SLC16A10: variants seen among roughly 807,000 people sequenced by gnomAD.
The protein encoded by SLC16A10 is solute carrier family 16 member 10, also known as monocarboxylate transporter 10.
Under a neutral mutation model 40.0 loss-of-function variants are expected in SLC16A10, and 27 were observed. That is an observed-to-expected ratio of 0.67 (90% confidence interval 0.50 to 0.93). The LOEUF is 0.93. Ranked by LOEUF, SLC16A10 falls within the 40% of genes least tolerant of loss-of-function variation. The pLI, the probability that SLC16A10 is intolerant of heterozygous loss-of-function variation, is 0.00. For synonymous variants in SLC16A10, 213 were observed against 249.8 expected, an observed-to-expected ratio of 0.85 and a Z score of 1.39; for missense variants, 529 against 658.2, an observed-to-expected ratio of 0.80 and a Z score of 2.15.
intron 1 of SLC16A10, among the ~76,000 whole-genome samples, chr6:111,153,904 C>A (rs892264393): frequency 5.9e-5 from 9 of 152,154 alleles, no homozygotes; most frequent in Non-Finnish European, 1.2e-4. Flanking sequence ...GTCCAGCCAC[C>A]ACCCATATGG....
chr6:111,089,798 T>A (rs1770939764), intron 1 of SLC16A10, among the ~76,000 whole-genome samples: 1 of 152,066 alleles, frequency 6.6e-6, no homozygotes, highest in Admixed American at 6.6e-5. Flanking sequence ...ATTTACCATA[T>A]TCCTGCCTGG....
At chr6:111,158,655 G>A (rs982351962) in intron 1 of SLC16A10, among the ~76,000 whole-genome samples, 5 of 152,048 alleles carry the variant, frequency 3.3e-5, no homozygotes, top group African/African-American at 1.2e-4. Flanking sequence ...ATAACCTTTC[G>A]AAGATCTGAA....
At chr6:111,133,835 C>G (rs1771829045) in intron 1 of SLC16A10, among the ~76,000 whole-genome samples, 1 of 152,150 alleles carries the variant, frequency 6.6e-6, no homozygotes, top group South Asian at 2.1e-4. Flanking sequence ...ATGCACCCTC[C>G]AAGCGGTGGG....
intron 1 of SLC16A10, among the ~76,000 whole-genome samples, chr6:111,151,040 A>G (rs1361425): frequency 6.6e-6 from 1 of 151,920 alleles, no homozygotes; most frequent in Non-Finnish European, 1.5e-5. Flanking sequence ...TCCATCCATC[A>G]GGTGACCTCT....
chr6:111,148,924 A>G (rs541117553), intron 1 of SLC16A10, among the ~76,000 whole-genome samples: 69 of 152,326 alleles, frequency 4.5e-4, no homozygotes, highest in Admixed American at 7.8e-4. Flanking sequence ...CCTGGCCAAC[A>G]TGGTGAAACC....
chr6:111,207,479 A>C (rs1466276662), intron 4 of SLC16A10, among the ~76,000 whole-genome samples: 1 of 152,120 alleles, frequency 6.6e-6, no homozygotes, highest in African/African-American at 2.4e-5. Flanking sequence ...TATTGAAGTG[A>C]CTCCTTCATG....
intron 1 of SLC16A10, among the ~76,000 whole-genome samples, chr6:111,169,794 C>G (rs1356046475): frequency 3.3e-5 from 5 of 152,110 alleles, no homozygotes; most frequent in Admixed American, 2.6e-4. Context: ...TTGATTATAT[C>G]CTGTTAGTGC....
At chr6:111,190,542 GC>G in intron 3 of SLC16A10, among the ~76,000 whole-genome samples, 1 of 152,232 alleles carries the variant, frequency 6.6e-6, no homozygotes, top group East Asian at 1.9e-4. Context: ...TGAGGTTCCT[GC>G]CCCTGCAGCA....
At chr6:111,181,258 A>G (rs1352254108) in intron 3 of SLC16A10, among the ~76,000 whole-genome samples, 1 of 151,218 alleles carries the variant, frequency 6.6e-6, no homozygotes, top group African/African-American at 2.4e-5. Flanking sequence ...ACAGATCTGG[A>G]TTTAAATTCA....
chr6:111,100,895 G>A (rs1771163555), intron 1 of SLC16A10, among the ~76,000 whole-genome samples: 1 of 148,668 alleles, frequency 6.7e-6, no homozygotes, highest in Non-Finnish European at 1.5e-5. Context: ...GGTATCATCA[G>A]TATAGTCTAT....
chr6:111,222,896 T>A lies in SLC16A10; in HGVS notation c.*661T>A, dbSNP rs994679401. ...AGGATCCTGAGCTGTTCAGAAATCA[T>A]TTAAGTTTACAGCGTTGTTCCCTTT... is the stretch of plus-strand genomic sequence containing the variant. On this transcript the variant is annotated 3_prime_UTR_variant, in exon 6 of 6. Coordinates refer to ENST00000368851, the MANE Select transcript of SLC16A10 (RefSeq NM_018593.5). 3 of 152,256 alleles carry A rather than the reference T, an allele frequency of 2.0e-5. No individual in the cohort carries two copies. The highest frequency in any genetic ancestry group is 2.0e-4 in the Admixed American group (3 of 15,276). The allele number at this position is 152,256 out of a possible 1,614,324, so 9.4% of individuals were successfully genotyped here.
chr6:111,127,401 G>C (rs141987501), intron 1 of SLC16A10, among the ~76,000 whole-genome samples: 10 of 152,226 alleles, frequency 6.6e-5, no homozygotes, highest in Non-Finnish European at 1.5e-4. Context: ...GATCACAGGC[G>C]GCACATTTTA....
chr6:111,147,787 T>G (rs902711764), intron 1 of SLC16A10, among the ~76,000 whole-genome samples: 1 of 152,188 alleles, frequency 6.6e-6, no homozygotes, highest in Admixed American at 6.5e-5. Context: ...TTTGTGGACA[T>G]AGAACAACAG....
At chr6:111,131,681 C>T (rs1216158475) in intron 1 of SLC16A10, among the ~76,000 whole-genome samples, 1 of 152,206 alleles carries the variant, frequency 6.6e-6, no homozygotes. Context: ...CCCAACCCTT[C>T]TGGGTTGGGA....
chr6:111,099,265 C>A (rs1771129912), intron 1 of SLC16A10, among the ~76,000 whole-genome samples: 1 of 152,042 alleles, frequency 6.6e-6, no homozygotes, highest in Non-Finnish European at 1.5e-5. Flanking sequence ...TATTTTTATG[C>A]ATAATTATAT....
intron 1 of SLC16A10, among the ~76,000 whole-genome samples, chr6:111,140,898 G>A (rs931234326): frequency 2.6e-5 from 4 of 152,016 alleles, no homozygotes; most frequent in Admixed American, 1.3e-4. Context: ...TGATCCTCCC[G>A]CCTCAGCCTC....
chr6:111,106,673 G>T (rs1771289633), intron 1 of SLC16A10, among the ~76,000 whole-genome samples: 1 of 152,196 alleles, frequency 6.6e-6, no homozygotes, highest in African/African-American at 2.4e-5. Flanking sequence ...AAGCAAGTCA[G>T]TGAGTTAGAA....
intron 1 of SLC16A10, among the ~76,000 whole-genome samples, chr6:111,153,208 G>A (rs910234508): frequency 1.3e-5 from 2 of 152,124 alleles, no homozygotes; most frequent in African/African-American, 4.8e-5. Flanking sequence ...TCTTTAAAAG[G>A]TTCCCTAGCT....
At chr6:111,214,012 A>C (rs1038089308) in intron 4 of SLC16A10, among the ~76,000 whole-genome samples, 1 of 152,214 alleles carries the variant, frequency 6.6e-6, no homozygotes, top group African/African-American at 2.4e-5. Flanking sequence ...AGCTACACTT[A>C]AGATTCTTGA....
Sources: gnomAD v4.1 joint callset for allele counts (sites outside exome capture counted in the v4.1 genomes callset) on GRCh38, gnomAD v4.1.1 for gene constraint, MANE v1.5 for transcripts, NCBI Gene and HGNC (gene_info 2026-07-23, HGNC 2026-07-21) for gene names.